PDE3A: variants seen among roughly 807,000 people sequenced by gnomAD.
The protein encoded by PDE3A is cGMP-inhibited 3',5'-cyclic phosphodiesterase 3A.
Under a neutral mutation model 98.3 loss-of-function variants are expected in PDE3A, and 43 were observed. That is an observed-to-expected ratio of 0.44 (90% CI 0.34 to 0.56). PDE3A has a LOEUF of 0.56. Ranked by LOEUF, PDE3A falls within the 20% of genes least tolerant of loss-of-function variation. The pLI is 0.01. For synonymous variants in PDE3A, 663 were observed against 567.9 expected (o/e 1.17, Z -2.38); for missense variants, 1,427 against 1,440.7 (o/e 0.99, Z 0.15).
intron 2 of PDE3A, among the ~76,000 whole-genome samples, chr12:20,611,933 G>T (rs1404690648): frequency 6.6e-6 from 1 of 151,282 alleles, no homozygotes; most frequent in Admixed American, 6.6e-5. Context: ...ATGTATCTCG[G>T]TTGTCGTTGC....
chr12:20,397,909 A>G (rs1944046911), intron 1 of PDE3A, among the ~76,000 whole-genome samples: 1 of 152,168 alleles, frequency 6.6e-6, no homozygotes, highest in African/African-American at 2.4e-5. Context: ...ATTGTTCACG[A>G]TCTTATTGAT....
At chr12:20,628,329 G>A (rs1174411896) in intron 5 of PDE3A, among the ~76,000 whole-genome samples, 3 of 152,094 alleles carry the variant, frequency 2.0e-5, no homozygotes, top group Non-Finnish European at 4.4e-5. Flanking sequence ...GTAATGTGAA[G>A]GTTTGTCGTT....
intron 1 of PDE3A, among the ~76,000 whole-genome samples, chr12:20,390,266 T>G (rs1943888238): frequency 6.6e-6 from 1 of 151,836 alleles, no homozygotes; most frequent in South Asian, 2.1e-4. Flanking sequence ...TTTGATATTT[T>G]ATGTGTACCA....
chr12:20,666,382 CTA>C (rs1253163531), intron 15 of PDE3A, among the ~76,000 whole-genome samples: 11 of 152,186 alleles, frequency 7.2e-5, no homozygotes, highest in Non-Finnish European at 1.5e-4. Flanking sequence ...TTTATTCTAA[CTA>C]GTATGTTTGT....
At chr12:20,440,765 C>T (rs915713159) in intron 1 of PDE3A, among the ~76,000 whole-genome samples, 5 of 152,106 alleles carry the variant, frequency 3.3e-5, no homozygotes, top group African/African-American at 1.2e-4. Flanking sequence ...AGAGTGTGAT[C>T]TAACTCATTG....
At chr12:20,606,873 A>T (rs910408597) in intron 2 of PDE3A, among the ~76,000 whole-genome samples, 1 of 149,872 alleles carries the variant, frequency 6.7e-6, no homozygotes, top group South Asian at 2.1e-4. Context: ...AAAAAAAATT[A>T]AAACAAATTT....
At chr12:20,608,973 G>A (rs1166430190) in intron 2 of PDE3A, among the ~76,000 whole-genome samples, 1 of 151,928 alleles carries the variant, frequency 6.6e-6, no homozygotes, top group Non-Finnish European at 1.5e-5. Flanking sequence ...AGAACAACAT[G>A]GCTAAAAATA....
intron 2 of PDE3A, among the ~76,000 whole-genome samples, chr12:20,597,777 TAGCAG>T (rs1943500826): frequency 6.6e-6 from 1 of 152,164 alleles, no homozygotes; most frequent in Non-Finnish European, 1.5e-5. Context: ...TACCTAAAGG[TAGCAG>T]CCCTGATTCA....
intron 1 of PDE3A, among the ~76,000 whole-genome samples, chr12:20,495,404 C>T (rs969754930): frequency 1.3e-5 from 2 of 152,100 alleles, no homozygotes; most frequent in Admixed American, 1.3e-4. Context: ...AAAGAAACAA[C>T]TATAATCTAA....
At chr12:20,436,155 C>T (rs1944775543) in intron 1 of PDE3A, among the ~76,000 whole-genome samples, 1 of 151,950 alleles carries the variant, frequency 6.6e-6, no homozygotes, top group Non-Finnish European at 1.5e-5. Context: ...TAACAAAATC[C>T]CCACGTTTAT....
At chr12:20,429,258 A>C (rs990891521) in intron 1 of PDE3A, among the ~76,000 whole-genome samples, 1 of 152,192 alleles carries the variant, frequency 6.6e-6, no homozygotes, top group Non-Finnish European at 1.5e-5. Flanking sequence ...AATTAAGCCC[A>C]TACGTTCTAG....
intron 15 of PDE3A, among the ~76,000 whole-genome samples, chr12:20,673,159 C>G (rs181949255): frequency 1.3e-5 from 2 of 152,202 alleles, no homozygotes; most frequent in African/African-American, 4.8e-5. Context: ...GACACCATCT[C>G]ACACCATTTA....
intron 1 of PDE3A, among the ~76,000 whole-genome samples, chr12:20,385,725 T>G: frequency 6.7e-6 from 1 of 148,526 alleles, no homozygotes; most frequent in African/African-American, 2.5e-5. Flanking sequence ...CACTCATAGG[T>G]GGGAATTGAA....
intron 2 of PDE3A, among the ~76,000 whole-genome samples, chr12:20,586,511 C>A (rs1565439614): frequency 6.6e-6 from 1 of 152,134 alleles, no homozygotes; most frequent in Non-Finnish European, 1.5e-5. Flanking sequence ...CATATATGTA[C>A]TTTAAAATCA....
chr12:20,564,600 G>A lies in PDE3A; in HGVS notation c.1011+7890G>A, dbSNP rs374543692. Among the ~76,000 whole-genome samples, 8 of 152,236 alleles carry A rather than the reference G, an allele frequency of 5.3e-5. No homozygotes were observed. The East Asian group carries it at 1.2e-3, about 22-fold the overall frequency. ...GCAGGAGGAAAGAGAGTTTGGCTCT[G>A]TCCTCACAGTAGTTTCATGGAACTT... On this transcript the variant is annotated intron_variant, in intron 2 of 15. Coordinates refer to ENST00000359062, the MANE Select transcript of PDE3A (RefSeq NM_000921.5).
At chr12:20,462,732 G>A (rs1945272990) in intron 1 of PDE3A, among the ~76,000 whole-genome samples, 1 of 151,628 alleles carries the variant, frequency 6.6e-6, no homozygotes, top group Non-Finnish European at 1.5e-5. Context: ...CATGCAATTT[G>A]GTATTCATTT....
At chr12:20,624,103 G>A (rs573255532) in intron 5 of PDE3A, among the ~76,000 whole-genome samples, 1 of 152,146 alleles carries the variant, frequency 6.6e-6, no homozygotes, top group African/African-American at 2.4e-5. Flanking sequence ...GGAAAAGAAG[G>A]TTAAGTAATT....
chr12:20,474,773 G>A (rs538827134), intron 1 of PDE3A, among the ~76,000 whole-genome samples: 112 of 152,174 alleles, frequency 7.4e-4, no homozygotes, highest in African/African-American at 2.7e-3. Flanking sequence ...TCTTTCTTCT[G>A]TGGACACTGG....
At chr12:20,437,241 ATAAAT>A (rs1944792881) in intron 1 of PDE3A, among the ~76,000 whole-genome samples, 1 of 152,146 alleles carries the variant, frequency 6.6e-6, no homozygotes. Flanking sequence ...CAATTTTGCT[ATAAAT>A]TAGTTAAAAG....
Sources: allele counts gnomAD v4.1 joint callset (sites outside exome capture counted in the v4.1 genomes callset), GRCh38; gene constraint gnomAD v4.1.1; transcripts MANE v1.5; gene names NCBI Gene and HGNC (gene_info 2026-07-23, HGNC 2026-07-21).